Variants in PRELID2 observed in about 807,000 individuals in gnomAD.
PRELID2 encodes the protein PRELI domain containing 2, also known as PRELI domain-containing protein 2.
In PRELID2, 25 loss-of-function variants were observed where a neutral mutation model predicts 28.4. That is an observed-to-expected ratio of 0.88 (90% confidence interval 0.64 to 1.23). The LOEUF (loss-of-function observed/expected upper bound fraction) is 1.23. Ranked by LOEUF, PRELID2 falls within the 50% of genes most tolerant of loss-of-function variation. The probability of loss-of-function intolerance (pLI) is 0.00; values close to 1 mark genes in which losing one functional copy is unlikely to be tolerated. For synonymous variants in PRELID2, 76 were observed against 71.6 expected (o/e 1.06, Z -0.31); for missense variants, 201 against 214.4 (o/e 0.94, Z 0.39).
the PRELID2 span, among the ~76,000 whole-genome samples, chr5:145,417,736 G>C: frequency 9.9e-5 from 15 of 152,098 alleles, no homozygotes; most frequent in Admixed American, 1.3e-4. Context: ...GGATATTGAA[G>C]GGACATATCT....
In PRELID2 at chr5:145,648,233, CTG is replaced by C. The variant is rs1351453428; in HGVS notation, n.70+116696_70+116697del. Among the ~76,000 whole-genome samples the C allele has an allele frequency of 2.6e-5, 4 of 152,160 alleles. No individual in the cohort carries two copies. The East Asian group carries it at 7.7e-4, about 29-fold the overall frequency. ...AGACATATCCAAGAATGAACTAACA[CTG>C]TGCATATCAACATGAATACATCCCT... On this transcript the variant is annotated intron_variant and non_coding_transcript_variant, in intron 1 of 2. Coordinates refer to the PRELID2 transcript ENST00000510259.
At chr5:145,393,354 C>T in the PRELID2 span, among the ~76,000 whole-genome samples, 3 of 152,032 alleles carry the variant, frequency 2.0e-5, no homozygotes, top group South Asian at 2.1e-4. Context: ...AGTGAAGCAC[C>T]TCGGTGTGGG....
chr5:145,608,717 T>A (rs1753547590), intron 1 of PRELID2, among the ~76,000 whole-genome samples: 1 of 152,180 alleles, frequency 6.6e-6, no homozygotes, highest in East Asian at 1.9e-4. Context: ...ACTATGTGTC[T>A]TAGGGATGGT....
the PRELID2 span, among the ~76,000 whole-genome samples, chr5:145,407,888 A>G: frequency 6.6e-6 from 1 of 152,202 alleles, no homozygotes; most frequent in Non-Finnish European, 1.5e-5. Flanking sequence ...GGACTCCCAC[A>G]GAGTACACTT....
the PRELID2 span, among the ~76,000 whole-genome samples, chr5:145,392,763 C>T: frequency 5.7e-4 from 87 of 152,180 alleles, no homozygotes; most frequent in Non-Finnish European, 1.1e-3. Context: ...TCTACATGCT[C>T]TCTAGCCAAT....
chr5:145,389,010 T>C, the PRELID2 span, among the ~76,000 whole-genome samples: 3 of 152,308 alleles, frequency 2.0e-5, no homozygotes, highest in African/African-American at 7.2e-5. Flanking sequence ...ACCACTGTAG[T>C]GCTAGCTCCT....
At chr5:145,826,541 T>C (rs1481477527) in intron 1 of PRELID2, among the ~76,000 whole-genome samples, 1 of 152,236 alleles carries the variant, frequency 6.6e-6, no homozygotes, top group Non-Finnish European at 1.5e-5. Flanking sequence ...ACAGAACGTG[T>C]AAACTAACTC....
chr5:145,723,890 T>C (rs896511253), intron 1 of PRELID2, among the ~76,000 whole-genome samples: 8 of 152,164 alleles, frequency 5.3e-5, no homozygotes, highest in African/African-American at 1.9e-4. Flanking sequence ...ACATTTGCAT[T>C]AGGTTATTCA....
At chr5:145,411,643 G>A in the PRELID2 span, among the ~76,000 whole-genome samples, 1 of 152,144 alleles carries the variant, frequency 6.6e-6, no homozygotes, top group Non-Finnish European at 1.5e-5. Context: ...CTACCATTCT[G>A]GTGTCTAGAG....
At chr5:145,495,629 C>A (rs1337467338) in intron 1 of PRELID2, among the ~76,000 whole-genome samples, 1 of 152,162 alleles carries the variant, frequency 6.6e-6, no homozygotes, top group Non-Finnish European at 1.5e-5. Context: ...TTTAGAAATT[C>A]TCACAGCCCT....
At chr5:145,514,915 A>T (rs367837340) in intron 1 of PRELID2, among the ~76,000 whole-genome samples, 2 of 152,342 alleles carry the variant, frequency 1.3e-5, no homozygotes, top group South Asian at 4.1e-4. Flanking sequence ...TACTGGGTAA[A>T]TAACAAAATT....
intron 1 of PRELID2, among the ~76,000 whole-genome samples, chr5:145,688,967 A>G (rs1462202802): frequency 6.6e-6 from 1 of 152,240 alleles, no homozygotes; most frequent in Non-Finnish European, 1.5e-5. Context: ...AATTGAATGT[A>G]AAGAATTGTT....
chr5:145,366,163 A>G, the PRELID2 span, among the ~76,000 whole-genome samples: 1 of 151,882 alleles, frequency 6.6e-6, no homozygotes, highest in Non-Finnish European at 1.5e-5. Flanking sequence ...CACATGTTTC[A>G]CAATTATTAG....
At chr5:145,534,135 A>G (rs970254528) in intron 1 of PRELID2, among the ~76,000 whole-genome samples, 3 of 152,094 alleles carry the variant, frequency 2.0e-5, no homozygotes, top group African/African-American at 7.2e-5. Context: ...ATAGTTAGAA[A>G]ACAAGTGGTC....
the PRELID2 span, among the ~76,000 whole-genome samples, chr5:145,336,810 T>C: frequency 6.6e-6 from 1 of 151,714 alleles, no homozygotes; most frequent in Non-Finnish European, 1.5e-5. Flanking sequence ...ATGTCCTTTG[T>C]AGGGACATGG....
At chr5:145,593,059 T>C (rs902517432) in intron 1 of PRELID2, among the ~76,000 whole-genome samples, 1 of 152,180 alleles carries the variant, frequency 6.6e-6, no homozygotes, top group African/African-American at 2.4e-5. Context: ...AGAGCTGAGG[T>C]ATCCAGGATG....
chr5:145,435,554 T>G, the PRELID2 span, among the ~76,000 whole-genome samples: 4 of 152,246 alleles, frequency 2.6e-5, no homozygotes, highest in Admixed American at 6.5e-5. Flanking sequence ...TGTCCTGTTC[T>G]CATTAGCCTA....
At chr5:145,541,237 A>G (rs1294121212) in intron 1 of PRELID2, among the ~76,000 whole-genome samples, 1 of 152,154 alleles carries the variant, frequency 6.6e-6, no homozygotes, top group Admixed American at 6.6e-5. Flanking sequence ...GTGATGTAAT[A>G]GTGTATGTTG....
chr5:145,459,523 A>T, the PRELID2 span, among the ~76,000 whole-genome samples: 1 of 152,214 alleles, frequency 6.6e-6, no homozygotes, highest in Non-Finnish European at 1.5e-5. Context: ...TTATATGTAC[A>T]TGAAGTATGA....
Sources: allele counts gnomAD v4.1 joint callset (sites outside exome capture counted in the v4.1 genomes callset), GRCh38; gene constraint gnomAD v4.1.1; transcripts MANE v1.5; gene names NCBI Gene and HGNC (gene_info 2026-07-23, HGNC 2026-07-21).